The following PBK variants were observed in gnomAD, a reference collection of about 807,000 sequenced individuals.
PBK encodes lymphokine-activated killer T-cell-originated protein kinase.
In PBK, 22 loss-of-function variants were observed where a neutral mutation model predicts 33.5. The ratio of observed to expected loss-of-function variants is 0.66; its 90% confidence interval spans 0.47 to 0.94. PBK has a LOEUF of 0.94. Among genes scored for constraint, PBK ranks in the 40% least tolerant of loss-of-function variants. PBK has a pLI of 0.00. For missense variants in PBK, 376 were observed against 383.4 expected, an observed-to-expected ratio of 0.98 and a Z score of 0.16; for synonymous variants, 129 against 123.8, an observed-to-expected ratio of 1.04 and a Z score of -0.28.
chr8:27,813,356 A>G (rs1805736216), intron 6 of PBK, among the ~76,000 whole-genome samples: 1 of 152,092 alleles, frequency 6.6e-6, no homozygotes, highest in Admixed American at 6.6e-5. Context: ...AGAAATACCT[A>G]ATGTAAATGA....
chr8:27,834,617 G>A (rs560624960), intron 1 of PBK, among the ~76,000 whole-genome samples: 214 of 152,280 alleles, frequency 1.4e-3, no homozygotes, highest in Middle Eastern at 0.01. Flanking sequence ...AATGAGGCCG[G>A]GTATGGTGGC....
At chr8:27,815,552 C>A (rs1805794131) in intron 6 of PBK, among the ~76,000 whole-genome samples, 1 of 152,210 alleles carries the variant, frequency 6.6e-6, no homozygotes, top group South Asian at 2.1e-4. Flanking sequence ...ACATGGCCCA[C>A]ATGGGCAGTG....
intron 1 of PBK, among the ~76,000 whole-genome samples, chr8:27,835,225 G>A (rs996811458): frequency 1.3e-5 from 2 of 152,208 alleles, no homozygotes; most frequent in South Asian, 4.1e-4. Flanking sequence ...TTAATGACAA[G>A]CTTGTTCATC....
At chr8:27,822,237 A>G in intron 5 of PBK, 82 bp downstream of exon 5, 1 of 1,051,432 alleles carries the variant, frequency 9.5e-7, no homozygotes, top group Non-Finnish European at 1.4e-6. Flanking sequence ...TCCACATTCA[A>G]AGATGTCCTG....
chr8:27,820,695 C>T lies in PBK; in HGVS notation c.466-1G>A, dbSNP rs754125498. 7 of 1,523,048 alleles carry T rather than the reference C, an allele frequency of 4.6e-6. No homozygotes were observed. The highest frequency in any genetic ancestry group is 6.2e-6 in the Non-Finnish European group (7 of 1,123,524). The allele number at this position is 1,523,048 out of a possible 1,614,324, so 94.3% of individuals were successfully genotyped here. On this transcript the variant is annotated splice_acceptor_variant, in intron 5 of 7. Coordinates refer to ENST00000301905, the MANE Select transcript of PBK (RefSeq NM_018492.4). LOFTEE classifies it high-confidence loss of function. ...GCAGTTTCTTTTCTTGGTGCAGATACTAAAATAGTAAAAAATTTAACACAT... is the reference window on the plus strand; with the variant it reads ...GCAGTTTCTTTTCTTGGTGCAGATATTAAAATAGTAAAAAATTTAACACAT...
Position 27,823,195 on chromosome 8 carries a change from C to CCTG in PBK, c.162_163insCAG (p.Arg54_Gly55insGln). ...ACAGCCCAAGGAGAATGAGACAAAC[C>CCTG]TCTTGGAGATCTAAGAAAAAAATTC... On this transcript the variant is annotated inframe_insertion, in exon 4 of 8. Transcript: ENST00000301905. 6.6e-7 allele frequency: 1 copy of CCTG among 1,509,688 alleles called. No individual in the cohort carries two copies. Among genetic ancestry groups the CCTG allele is most frequent in the South Asian group, 1.2e-5 (1 of 80,698 alleles). 93.5% of individuals were successfully genotyped at this position (1,509,688 alleles called of 1,614,324 possible).
chr8:27,821,845 A>C (rs1276744373), intron 5 of PBK, among the ~76,000 whole-genome samples: 1 of 152,226 alleles, frequency 6.6e-6, no homozygotes, highest in Admixed American at 6.5e-5. Flanking sequence ...ATGATGGACA[A>C]CATATACGAC....
At chr8:27,827,066 A>C (rs1806039964) in intron 3 of PBK, among the ~76,000 whole-genome samples, 1 of 152,216 alleles carries the variant, frequency 6.6e-6, no homozygotes, top group South Asian at 2.1e-4. Flanking sequence ...ATAATTACTA[A>C]ATTATTCTTA....
chr8:27,832,548 G>A (rs1806149410), intron 2 of PBK, among the ~76,000 whole-genome samples: 1 of 152,230 alleles, frequency 6.6e-6, no homozygotes, highest in Non-Finnish European at 1.5e-5. Context: ...TAGGACGGTT[G>A]CAGGATACAA....
At chr8:27,831,225 C>T (rs1259388007) in intron 2 of PBK, among the ~76,000 whole-genome samples, 4 of 151,834 alleles carry the variant, frequency 2.6e-5, no homozygotes, top group Admixed American at 1.3e-4. Context: ...TGGTGGTGCA[C>T]GCCTGTAATC....
At chr8:27,818,033 G>A (rs935672581) in intron 6 of PBK, among the ~76,000 whole-genome samples, 3 of 152,062 alleles carry the variant, frequency 2.0e-5, no homozygotes, top group Admixed American at 1.3e-4. Flanking sequence ...CTACTGTATT[G>A]GACAGTACCA....
intron 2 of PBK, among the ~76,000 whole-genome samples, chr8:27,831,276 C>T (rs557824056): frequency 4.6e-4 from 70 of 151,840 alleles, no homozygotes; most frequent in South Asian, 2.3e-3. Context: ...TCACTTGAGC[C>T]CAGGAGGTAG....
chr8:27,823,960 G>C (rs1805979468), intron 3 of PBK, among the ~76,000 whole-genome samples: 1 of 152,038 alleles, frequency 6.6e-6, no homozygotes, highest in African/African-American at 2.4e-5. Context: ...AGCCTCAGAA[G>C]TTTAAGACAG....
rs1318181046 is a variant in PBK, at chr8:27,816,247, G to T, written c.595+4318C>A. ...CAGGGTAAGACTGTGTCTGTCTCAT[G>T]TACTCTATATTCATGGTGCCTGACA... is the stretch of plus-strand genomic sequence containing the variant. On this transcript the variant is annotated intron_variant, in intron 6 of 7. Coordinates refer to ENST00000301905, the MANE Select transcript of PBK (RefSeq NM_018492.4). Among the ~76,000 whole-genome samples, 3 of 151,540 alleles carry T rather than the reference G, an allele frequency of 2.0e-5. No homozygotes were observed. The East Asian group carries it at 5.8e-4, about 29-fold the overall frequency.
rs770554100 is a variant in PBK at position 27,823,073 on chromosome 8, T to C, written c.285A>G (p.Pro95=). 1 of 1,593,986 alleles carries C rather than the reference T, an allele frequency of 6.3e-7. No individual in the cohort carries two copies. The highest frequency in any genetic ancestry group is 8.6e-7 in the Non-Finnish European group (1 of 1,166,178). ...CAAATTTAAACGTACCAACAATGTT[T>C]GGATGATGAAGGCTTTTCAAAATCT... ...EAKILKSLHH[P]NIVGYRAFTE... is the part of the protein sequence containing the mutation. The change falls in exon 4 of 8, where the codon CCA becomes CCG. Residue 95 remains proline, a synonymous_variant. Transcript: ENST00000301905.
At chr8:27,831,082 G>A (rs4540371) in intron 2 of PBK, among the ~76,000 whole-genome samples, 23,954 of 152,166 alleles carry the variant, frequency 0.16, 2,396 homozygotes, top group East Asian at 0.37. Flanking sequence ...TGGTTTATGT[G>A]TCTTGGTGAA....
intron 2 of PBK, among the ~76,000 whole-genome samples, chr8:27,829,432 T>A (rs1806086049): frequency 6.6e-6 from 1 of 152,126 alleles, no homozygotes; most frequent in Non-Finnish European, 1.5e-5. Flanking sequence ...TGCAGGTAAC[T>A]TAACCTCAGA....
chr8:27,827,171 CAAG>C (rs1231399336), intron 3 of PBK, among the ~76,000 whole-genome samples: 2 of 152,058 alleles, frequency 1.3e-5, no homozygotes, highest in African/African-American at 4.8e-5. Flanking sequence ...AGACTGATTC[CAAG>C]AATGCATTAA....
In PBK at chr8:27,811,120, C is replaced by CCT; in HGVS notation, c.608_609dup (p.Ala204ArgfsTer38). The CCT allele has an allele frequency of 6.2e-7, 1 of 1,613,924 alleles. No homozygotes were observed. The highest frequency in any genetic ancestry group is 1.1e-5 in the South Asian group (1 of 91,078). On this transcript the variant is annotated frameshift_variant, in exon 7 of 8. Coordinates refer to ENST00000301905, the MANE Select transcript of PBK (RefSeq NM_018492.4). LOFTEE classifies it high-confidence loss of function. ...CATGGCTCTGTGCCAATGTAACAAG[C>CCT]CTCAGGGTCAGTCACTGAAACAAGC...
Sources: allele counts gnomAD v4.1 joint callset (sites outside exome capture counted in the v4.1 genomes callset), GRCh38; gene constraint gnomAD v4.1.1; transcripts MANE v1.5; gene names NCBI Gene and HGNC (gene_info 2026-07-23, HGNC 2026-07-21).